GJC3: variants seen among roughly 807,000 people sequenced by gnomAD.
GJC3 encodes gap junction gamma-3 protein.
A neutral mutation model predicts 19.8 loss-of-function variants in GJC3; 17 were observed. That is an observed-to-expected ratio of 0.86 (90% CI 0.59 to 1.29). The LOEUF (loss-of-function observed/expected upper bound fraction) is 1.29. Ranked by LOEUF, GJC3 falls within the 50% of genes most tolerant of loss-of-function variation. The pLI is 0.00. For missense variants in GJC3, 317 were observed against 332.5 expected (o/e 0.95, Z 0.36); for synonymous variants, 140 against 136.5 (o/e 1.03, Z -0.18).
At chr7:99,927,528 A>C (rs1360963114) in intron 1 of GJC3, among the ~76,000 whole-genome samples, 2 of 152,148 alleles carry the variant, frequency 1.3e-5, no homozygotes, top group African/African-American at 4.8e-5. Context: ...GGGATCCCCT[A>C]ACTTACTTGG....
Position 99,929,548 on chromosome 7 carries a change from G to A in GJC3, c.73C>T (p.Leu25Phe), listed in dbSNP as rs769013583. 8.6e-5 allele frequency: 139 copies of A among 1,613,412 alleles called. No homozygotes were observed. The highest frequency in any genetic ancestry group is 1.1e-4 in the Non-Finnish European group (132 of 1,180,006). Residue 25 changes from leucine (L) to phenylalanine (F), a missense_variant, in exon 1 of 2, where the codon CTT (leucine) becomes TTT (phenylalanine). Coordinates refer to ENST00000312891, the MANE Select transcript of GJC3 (RefSeq NM_181538.3). ...AGGCGGAATCCCAGGAGCACGGGAAGCAAGAGGCGCCCCACGGGGGTGGAG... is the reference window on the plus strand; with the variant it reads ...AGGCGGAATCCCAGGAGCACGGGAAACAAGAGGCGCCCCACGGGGGTGGAG... The part of the protein sequence containing the change: ...RRSTPVGRLL[L>F]PVLLGFRLVL...
Position 99,929,526 on chromosome 7 carries a change from C to T in GJC3, c.95G>A (p.Arg32His), listed in dbSNP as rs774309548. Residue 32 changes from arginine (R) to histidine (H), a missense_variant, in exon 1 of 2, where the codon CGC (arginine) becomes CAC (histidine). Arg to His is a conservative substitution (Grantham distance 29, BLOSUM62 0). Transcript: ENST00000312891. ...CCCACTGGCAGCCAGCAGCACAAGG[C>T]GGAATCCCAGGAGCACGGGAAGCAA... ...RLLLPVLLGF[R>H]LVLLAASGPG... 2 of 1,614,054 alleles carry T rather than the reference C, an allele frequency of 1.2e-6. No individual in the cohort carries two copies. Among genetic ancestry groups the T allele is most frequent in the South Asian group, 1.1e-5 (1 of 91,072 alleles).
chr7:99,929,212 A>G lies in GJC3; in HGVS notation c.409T>C (p.Tyr137His). The G allele has an allele frequency of 6.2e-7, 1 of 1,614,132 alleles. No individual in the cohort carries two copies. Among genetic ancestry groups the G allele is most frequent in the Non-Finnish European group, 8.5e-7 (1 of 1,180,000 alleles). ...GAGSLRLLWA[Y>H]VAQLGARLVL... is the part of the protein sequence containing the mutation. ...AGCCGAGCCCCCAGCTGAGCCACAT[A>G]AGCCCAGAGCAGCCTGAGGCTTCCA... Residue 137 changes from tyrosine (Y) to histidine (H), a missense_variant, in exon 1 of 2, where the codon TAT (tyrosine) becomes CAT (histidine). Transcript: ENST00000312891.
At position 99,929,023 on chromosome 7, in the gene GJC3, C is replaced by A. The variant is rs143497140; in HGVS notation, c.598G>T (p.Gly200Cys). The A allele has an allele frequency of 2.1e-4, 337 of 1,614,132 alleles. 2 individuals are homozygous for A. In the African/African-American group the frequency reaches 4.1e-3, roughly 20 times the overall value. Residue 200 changes from glycine (G) to cysteine (C), a missense_variant, in exon 1 of 2, where the codon GGT becomes TGT. Coordinates refer to ENST00000312891, the MANE Select transcript of GJC3 (RefSeq NM_181538.3). ...AAAAAAGTAAACAAGAGACAGAAAC[C>A]GCTGACTCCAAACATGGTCTTTAGG... ...IFLKTMFGVSGFCLLFTFLEL... is the reference protein window; with the variant it reads ...IFLKTMFGVSCFCLLFTFLEL...
intron 1 of GJC3, among the ~76,000 whole-genome samples, chr7:99,925,267 T>C (rs924305286): frequency 6.6e-6 from 1 of 152,152 alleles, no homozygotes; most frequent in African/African-American, 2.4e-5. Context: ...CATAAATATA[T>C]AACCTACTAT....
rs531858917 is a variant in GJC3, at chr7:99,928,384, G to T, written c.781+456C>A. On this transcript the variant is annotated intron_variant, in intron 1 of 1. Transcript: ENST00000312891. ...TGCTTTAGACTACATGGCCCAAGGG[G>T]CCCTTAGAGATCCTTCAACAGCCTC... 4.6e-5 allele frequency among the ~76,000 whole-genome samples: 7 copies of T among 152,344 alleles called. No homozygotes were observed. The East Asian group carries it at 9.7e-4, about 21-fold the overall frequency.
chr7:99,929,823 T>A, upstream of GJC3: 1 of 619,206 alleles, frequency 1.6e-6, no homozygotes, highest in Non-Finnish European at 2.9e-6. Context: ...ATAATAACAG[T>A]GAGTGTGTGT....
intron 1 of GJC3, among the ~76,000 whole-genome samples, chr7:99,926,419 A>C (rs988613395): frequency 6.6e-6 from 1 of 152,194 alleles, no homozygotes; most frequent in Non-Finnish European, 1.5e-5. Context: ...AAATGTCCTG[A>C]AACTGAAGAA....
chr7:99,927,896 G>A (rs1020660801), intron 1 of GJC3, among the ~76,000 whole-genome samples: 12 of 152,242 alleles, frequency 7.9e-5, no homozygotes, highest in African/African-American at 2.2e-4. Context: ...AAGCTGCAAC[G>A]AGAACTGCAG....
chr7:99,925,039 T>C (rs1177740175), intron 1 of GJC3, among the ~76,000 whole-genome samples: 2 of 152,150 alleles, frequency 1.3e-5, no homozygotes, highest in African/African-American at 4.8e-5. Context: ...AGGGGGAAAG[T>C]GGAGATGGTT....
Position 99,928,958 on chromosome 7 carries a change from G to T in GJC3, c.663C>A (p.Thr221=), listed in dbSNP as rs765935157. 1.7e-5 allele frequency: 28 copies of T among 1,614,000 alleles called. No homozygotes were observed. In the Admixed American group the frequency reaches 4.7e-4, roughly 27 times the overall value. ...VLLGLGRWWR[T]WKHKSSSSKY... ...TAGAAGAGGAAGATTTGTGCTTCCAGGTCCTCCACCATCTCCCCAAACCCA... is the reference window on the plus strand; with the variant it reads ...TAGAAGAGGAAGATTTGTGCTTCCATGTCCTCCACCATCTCCCCAAACCCA... The change falls in exon 1 of 2, where the codon ACC becomes ACA. Residue 221 remains threonine (T), a synonymous_variant. Transcript: ENST00000312891.
At chr7:99,926,754 A>G (rs1176176867) in intron 1 of GJC3, among the ~76,000 whole-genome samples, 2 of 152,182 alleles carry the variant, frequency 1.3e-5, no homozygotes, top group African/African-American at 2.4e-5. Flanking sequence ...TGATGGATAT[A>G]CAACTCTGAA....
chr7:99,929,023 C>G lies in GJC3; in HGVS notation c.598G>C (p.Gly200Arg), dbSNP rs143497140. The G allele has an allele frequency of 6.2e-7, 1 of 1,614,132 alleles. No homozygotes were observed. The highest frequency in any genetic ancestry group is 1.7e-5 in the Admixed American group (1 of 60,028). Residue 200 changes from glycine (G) to arginine (R), a missense_variant, in exon 1 of 2, where the codon GGT becomes CGT. Gly to Arg is a moderately radical substitution (Grantham distance 125, BLOSUM62 -2). Transcript: ENST00000312891. ...AAAAAAGTAAACAAGAGACAGAAACCGCTGACTCCAAACATGGTCTTTAGG... is the reference window on the plus strand; with the variant it reads ...AAAAAAGTAAACAAGAGACAGAAACGGCTGACTCCAAACATGGTCTTTAGG... ...IFLKTMFGVSGFCLLFTFLEL... is the reference protein window; with the variant it reads ...IFLKTMFGVSRFCLLFTFLEL...
chr7:99,927,722 C>T (rs932675148), intron 1 of GJC3, among the ~76,000 whole-genome samples: 13 of 152,124 alleles, frequency 8.5e-5, no homozygotes, highest in African/African-American at 2.4e-4. Context: ...TGCAGTTACC[C>T]GCCGAATCAC....
At chr7:99,925,773 A>G (rs1819787471) in intron 1 of GJC3, among the ~76,000 whole-genome samples, 2 of 152,268 alleles carry the variant, frequency 1.3e-5, no homozygotes. Flanking sequence ...CACTAAGCAC[A>G]TGGAAAATGT....
intron 1 of GJC3, among the ~76,000 whole-genome samples, chr7:99,925,671 T>C (rs1819784987): frequency 6.6e-6 from 1 of 152,212 alleles, no homozygotes; most frequent in Non-Finnish European, 1.5e-5. Flanking sequence ...TAAAGAGCTC[T>C]TACAATGCAA....
intron 1 of GJC3, 37 bp from the exon 2 acceptor site, chr7:99,923,640 A>AG (rs1279141942): frequency 1.3e-6 from 1 of 779,168 alleles, no homozygotes; most frequent in Non-Finnish European, 2.4e-6. Flanking sequence ...AACAGTTACA[A>AG]GTGTGTAACT....
At chr7:99,925,231 C>A (rs952326548) in intron 1 of GJC3, among the ~76,000 whole-genome samples, 1 of 151,996 alleles carries the variant, frequency 6.6e-6, no homozygotes, top group Admixed American at 6.6e-5. Flanking sequence ...ACATTGCATA[C>A]CTGTATCAAA....
rs1184972004 is a variant in GJC3, at chr7:99,923,463, A to G, written c.*82T>C. ...TTATGCTGCTACATATGTCACATGT[A>G]TAGAAAATGGTGAATAAGCTCCTCC... On this transcript the variant is annotated 3_prime_UTR_variant, in exon 2 of 2. Coordinates refer to ENST00000312891, the MANE Select transcript of GJC3 (RefSeq NM_181538.3). 7 of 778,466 alleles carry G rather than the reference A, an allele frequency of 9.0e-6. No individual in the cohort carries two copies. Among genetic ancestry groups the G allele is most frequent in the Non-Finnish European group, 1.2e-5 (5 of 417,888 alleles). The allele number at this position is 778,466 out of a possible 1,614,324, so 48.2% of individuals were successfully genotyped here. A position where few individuals can be genotyped will look rare whatever the true frequency, so the allele number is the denominator to read the frequency against.
Sources: allele counts gnomAD v4.1 joint callset (sites outside exome capture counted in the v4.1 genomes callset), GRCh38; gene constraint gnomAD v4.1.1; transcripts MANE v1.5; gene names NCBI Gene and HGNC (gene_info 2026-07-23, HGNC 2026-07-21).